FXYD6: variants seen among roughly 807,000 people sequenced by gnomAD.
The protein encoded by FXYD6 is FXYD domain-containing ion transport regulator 6.
A neutral mutation model predicts 16.7 loss-of-function variants in FXYD6; 7 were observed. The observed-to-expected ratio is 0.42, with a 90% CI of 0.24 to 0.79. The LOEUF is 0.79. Ranked by LOEUF, FXYD6 falls within the 30% of genes least tolerant of loss-of-function variation. The pLI, the probability that FXYD6 is intolerant of heterozygous loss-of-function variation, is 0.28. For synonymous variants in FXYD6, 49 were observed against 43.0 expected (o/e 1.14, Z -0.54); for missense variants, 111 against 116.2 (o/e 0.95, Z 0.21).
chr11:117,844,445 C>T (rs2056426821), intron 1 of FXYD6, among the ~76,000 whole-genome samples: 1 of 152,104 alleles, frequency 6.6e-6, no homozygotes, highest in South Asian at 2.1e-4. Flanking sequence ...CCCCCTGCCT[C>T]TCTCCCAGAG....
chr11:117,849,536 C>CTT (rs60624638), intron 1 of FXYD6, among the ~76,000 whole-genome samples: 1 of 142,478 alleles, frequency 7.0e-6, no homozygotes, highest in Non-Finnish European at 1.5e-5. Context: ...GTTTAAATTT[C>CTT]TTTTTTTTTT....
chr11:117,873,740 G>A (rs1402103424), intron 1 of FXYD6, among the ~76,000 whole-genome samples: 1 of 152,198 alleles, frequency 6.6e-6, no homozygotes, highest in African/African-American at 2.4e-5. Flanking sequence ...CTCTTATTTA[G>A]GGGAGATTTC....
chr11:117,841,673 G>C (rs2056347815), intron 4 of FXYD6, 118 bp downstream of exon 4: 5 of 1,119,236 alleles, frequency 4.5e-6, no homozygotes, highest in Non-Finnish European at 6.7e-6. Context: ...ATAACACGGA[G>C]GGCAGGCAGC....
At chr11:117,847,027 T>TG (rs1299168477) in intron 1 of FXYD6, among the ~76,000 whole-genome samples, 4 of 152,256 alleles carry the variant, frequency 2.6e-5, no homozygotes, top group African/African-American at 4.8e-5. Context: ...TCTTTTGATT[T>TG]GTTTAGGTCC....
rs1337959852 is a variant in FXYD6 at position 117,857,251 on chromosome 11, G to A, written c.-5-14470C>T. ...CTCTCTCACACAGGGGAGTAAATAC[G>A]TGATGAGAACAGGTCTTTCCCATGA... On this transcript the variant is annotated intron_variant, in intron 1 of 7. Coordinates refer to ENST00000526014, the MANE Select transcript of FXYD6 (RefSeq NM_022003.4). Among the ~76,000 whole-genome samples the A allele has an allele frequency of 3.9e-5, 6 of 152,182 alleles. No individual in the cohort carries two copies. The East Asian group carries it at 9.6e-4, about 24-fold the overall frequency.
chr11:117,845,521 T>C (rs1490310791), intron 1 of FXYD6, among the ~76,000 whole-genome samples: 1 of 152,246 alleles, frequency 6.6e-6, no homozygotes, highest in African/African-American at 2.4e-5. Context: ...GCTTCTGTGG[T>C]TCACTGACTT....
intron 1 of FXYD6, among the ~76,000 whole-genome samples, chr11:117,868,540 C>A (rs965354556): frequency 6.6e-6 from 1 of 152,108 alleles, no homozygotes; most frequent in African/African-American, 2.4e-5. Flanking sequence ...GGTCACCACC[C>A]AGAGGCACCA....
chr11:117,846,778 A>G (rs1432045325), intron 1 of FXYD6, among the ~76,000 whole-genome samples: 3 of 152,230 alleles, frequency 2.0e-5, no homozygotes, highest in African/African-American at 7.2e-5. Flanking sequence ...ATAGCTTCAT[A>G]GTAATCTTGC....
chr11:117,875,995 G>C (rs918301157), intron 1 of FXYD6, among the ~76,000 whole-genome samples: 1 of 152,166 alleles, frequency 6.6e-6, no homozygotes, highest in African/African-American at 2.4e-5. Context: ...AAACAGGATT[G>C]GATGGATAAG....
intron 1 of FXYD6, among the ~76,000 whole-genome samples, chr11:117,866,071 T>TA (rs2057007382): frequency 6.6e-6 from 1 of 152,074 alleles, no homozygotes; most frequent in African/African-American, 2.4e-5. Flanking sequence ...ATTCCACTCA[T>TA]ATGAGGCACG....
chr11:117,842,069 C>G, intron 2 of FXYD6, 41 bp from the exon 3 acceptor site: 2 of 1,613,882 alleles, frequency 1.2e-6, no homozygotes, highest in Middle Eastern at 1.7e-4. Flanking sequence ...GAAAGCTACA[C>G]AAACTGGTTC....
At chr11:117,875,953 G>T (rs1320371041) in intron 1 of FXYD6, among the ~76,000 whole-genome samples, 2 of 152,178 alleles carry the variant, frequency 1.3e-5, no homozygotes, top group Non-Finnish European at 2.9e-5. Context: ...GGGAAAGGGG[G>T]CAATGGCGGA....
chr11:117,848,900 G>C (rs2056540881), intron 1 of FXYD6, among the ~76,000 whole-genome samples: 1 of 151,832 alleles, frequency 6.6e-6, no homozygotes, highest in Admixed American at 6.6e-5. Flanking sequence ...GATGCTTATA[G>C]TTTTTTTGAA....
intron 1 of FXYD6, among the ~76,000 whole-genome samples, chr11:117,849,776 C>T (rs982510833): frequency 2.6e-5 from 4 of 151,974 alleles, no homozygotes; most frequent in East Asian, 3.9e-4. Context: ...CTGAAGGCCT[C>T]GCCACTGCAT....
At chr11:117,844,605 C>T (rs2056432351) in intron 1 of FXYD6, among the ~76,000 whole-genome samples, 1 of 152,186 alleles carries the variant, frequency 6.6e-6, no homozygotes, top group African/African-American at 2.4e-5. Flanking sequence ...AACGATTCTC[C>T]TGCTTCTGCC....
chr11:117,858,832 G>C (rs979270697), intron 1 of FXYD6, among the ~76,000 whole-genome samples: 1 of 146,742 alleles, frequency 6.8e-6, no homozygotes, highest in African/African-American at 2.5e-5. Flanking sequence ...GGAGTGTGCA[G>C]TGGTGCGATC....
intron 6 of FXYD6, 190 bp downstream of exon 6, chr11:117,840,129 A>T: frequency 1.4e-6 from 1 of 698,266 alleles, no homozygotes; most frequent in Non-Finnish European, 2.4e-6. Context: ...TGTAAATAGC[A>T]GGTGACACTA....
chr11:117,840,632 G>A (rs894464034), intron 5 of FXYD6, among the ~76,000 whole-genome samples: 4 of 152,184 alleles, frequency 2.6e-5, no homozygotes, highest in African/African-American at 4.8e-5. Context: ...GGGCTTGGGT[G>A]TGTCCTGCCA....
At chr11:117,864,063 C>T (rs2056963591) in intron 1 of FXYD6, among the ~76,000 whole-genome samples, 2 of 152,018 alleles carry the variant, frequency 1.3e-5, no homozygotes, top group African/African-American at 2.4e-5. Context: ...CTATCAAAAT[C>T]CCAATGACAT....
Sources: allele counts gnomAD v4.1 joint callset (sites outside exome capture counted in the v4.1 genomes callset), GRCh38; gene constraint gnomAD v4.1.1; transcripts MANE v1.5; gene names NCBI Gene and HGNC (gene_info 2026-07-23, HGNC 2026-07-21).